Variants in GARIN2 observed in about 807,000 individuals in gnomAD.
GARIN2 encodes the protein Golgi-associated RAB2 interactor protein 2.
the GARIN2 span, chr14:67,199,822 A>G: frequency 6.0e-6 from 9 of 1,501,306 alleles, no homozygotes; most frequent in African/African-American, 1.4e-5. Flanking sequence ...GAGCCCTCCC[A>G]CCTGGGATAC....
At chr14:67,218,222 G>A in the GARIN2 span, among the ~76,000 whole-genome samples, 1 of 152,178 alleles carries the variant, frequency 6.6e-6, no homozygotes, top group Non-Finnish European at 1.5e-5. Context: ...CTGTTACTGT[G>A]GCCAGAAGCA....
the GARIN2 span, among the ~76,000 whole-genome samples, chr14:67,204,038 C>A: frequency 1.1e-4 from 17 of 152,152 alleles, no homozygotes; most frequent in Admixed American, 8.5e-4. Context: ...TACATCAGAG[C>A]CTTAGGCATA....
chr14:67,225,760 A>C, the GARIN2 span, among the ~76,000 whole-genome samples: 1 of 152,172 alleles, frequency 6.6e-6, no homozygotes, highest in African/African-American at 2.4e-5. Flanking sequence ...GCCCTGGCCT[A>C]CTGTATTCTA....
At chr14:67,212,644 C>CAT in the GARIN2 span, among the ~76,000 whole-genome samples, 32 of 142,802 alleles carry the variant, frequency 2.2e-4, no homozygotes, top group African/African-American at 3.8e-4. Flanking sequence ...ATATATATTA[C>CAT]ATATATATAT....
chr14:67,225,921 C>CTGTGTGTGTGTG, the GARIN2 span, among the ~76,000 whole-genome samples: 1 of 85,090 alleles, frequency 1.2e-5, no homozygotes, highest in South Asian at 3.8e-4. Flanking sequence ...AAAGCTAATG[C>CTGTGTGTGTGTG]TGTGAGTGTG....
the GARIN2 span, among the ~76,000 whole-genome samples, chr14:67,191,257 T>C: frequency 6.6e-6 from 1 of 152,174 alleles, no homozygotes; most frequent in Non-Finnish European, 1.5e-5. Flanking sequence ...CATCATGTAA[T>C]TACAGACAAA....
the GARIN2 span, among the ~76,000 whole-genome samples, chr14:67,193,165 C>CATCT: frequency 1.1e-4 from 14 of 130,688 alleles, no homozygotes; most frequent in African/African-American, 3.3e-4. Context: ...TCTATATAGA[C>CATCT]ATCTATATAT....
the GARIN2 span, chr14:67,228,271 A>C: frequency 1.4e-5 from 3 of 221,554 alleles, no homozygotes; most frequent in Non-Finnish European, 2.3e-5. Context: ...TTATATCAAG[A>C]AGAAAAGTTG....
At chr14:67,224,833 A>G in the GARIN2 span, 1 of 292,550 alleles carries the variant, frequency 3.4e-6, no homozygotes, top group Admixed American at 5.2e-5. Flanking sequence ...TTGGAATCCT[A>G]AGCAGCCAGG....
the GARIN2 span, chr14:67,199,605 C>T: frequency 6.3e-7 from 1 of 1,591,224 alleles, no homozygotes; most frequent in Admixed American, 1.7e-5. Flanking sequence ...GAGAAGGACT[C>T]CAAGGGTGAG....
the GARIN2 span, among the ~76,000 whole-genome samples, chr14:67,216,118 CAT>C: frequency 1.5e-4 from 23 of 152,268 alleles, no homozygotes; most frequent in Non-Finnish European, 2.6e-4. Flanking sequence ...TAACATCTAA[CAT>C]GTGGTACATT....
the GARIN2 span, among the ~76,000 whole-genome samples, chr14:67,209,615 C>T: frequency 1.3e-5 from 2 of 150,944 alleles, no homozygotes; most frequent in Admixed American, 6.6e-5. Flanking sequence ...GTCAGGAGTT[C>T]GAGACTAGCC....
At chr14:67,214,151 C>CAGA in the GARIN2 span, among the ~76,000 whole-genome samples, 1 of 152,166 alleles carries the variant, frequency 6.6e-6, no homozygotes, top group South Asian at 2.1e-4. Flanking sequence ...TTTTGCTGTG[C>CAGA]AGAAGCTCTT....
chr14:67,202,522 C>A, the GARIN2 span, among the ~76,000 whole-genome samples: 1 of 152,176 alleles, frequency 6.6e-6, no homozygotes, highest in Non-Finnish European at 1.5e-5. Context: ...CAAAACTCAT[C>A]ATTCCTATTC....
the GARIN2 span, among the ~76,000 whole-genome samples, chr14:67,226,393 G>A: frequency 6.8e-6 from 1 of 146,782 alleles, no homozygotes; most frequent in African/African-American, 2.5e-5. Context: ...ACGGAGTCTC[G>A]CTCTGTCACC....
At chr14:67,190,546 G>C in the GARIN2 span, among the ~76,000 whole-genome samples, 1 of 152,146 alleles carries the variant, frequency 6.6e-6, no homozygotes, top group African/African-American at 2.4e-5. Context: ...TGATTTTTCA[G>C]ACTGTTATCC....
chr14:67,200,481 G>GTT, the GARIN2 span: 2 of 383,152 alleles, frequency 5.2e-6, no homozygotes, highest in East Asian at 1.0e-4. Flanking sequence ...TCCACAGGAG[G>GTT]TATTTCTTTT....
chr14:67,200,356 C>T, the GARIN2 span: 1 of 637,382 alleles, frequency 1.6e-6, no homozygotes, highest in Non-Finnish European at 2.8e-6. Flanking sequence ...CCTATTACAT[C>T]TTCCCAATAT....
At chr14:67,196,202 T>C in the GARIN2 span, among the ~76,000 whole-genome samples, 2 of 151,292 alleles carry the variant, frequency 1.3e-5, no homozygotes, top group South Asian at 2.1e-4. Flanking sequence ...TTTTCTTTCC[T>C]TTCTTTTCTT....
Sources: gnomAD v4.1 joint callset for allele counts (sites outside exome capture counted in the v4.1 genomes callset) on GRCh38, gnomAD v4.1.1 for gene constraint, MANE v1.5 for transcripts, NCBI Gene and HGNC (gene_info 2026-07-23, HGNC 2026-07-21) for gene names.